Variants in CLYBL observed in about 807,000 individuals in gnomAD.
CLYBL encodes citramalyl-CoA lyase, mitochondrial.
Under a neutral mutation model 38.9 loss-of-function variants are expected in CLYBL, and 31 were observed. The observed-to-expected ratio is 0.80, with a 90% confidence interval of 0.60 to 1.08. The LOEUF (loss-of-function observed/expected upper bound fraction) is 1.08, where lower values mean the gene tolerates loss of function less well. Ranked by LOEUF, CLYBL falls within the 50% of genes least tolerant of loss-of-function variation. The pLI, the probability that CLYBL is intolerant of heterozygous loss-of-function variation, is 0.00. For missense variants in CLYBL, 434 were observed against 411.6 expected (o/e 1.05, Z -0.47); for synonymous variants, 171 against 158.6 (o/e 1.08, Z -0.59).
rs116129821 is a variant in CLYBL at position 99,882,838 on chromosome 13, C to A, written c.928-8480C>A. Among the ~76,000 whole-genome samples, 381 of 152,198 alleles carry A rather than the reference C, an allele frequency of 2.5e-3. 4 individuals carry two copies. The highest frequency in any genetic ancestry group is 8.7e-3 in the African/African-American group (363 of 41,524). ...AGAGTAGAGGTTATAGTTGCCAAGA[C>A]AATCTTCCTATTTCCTCCTCAAGGA... On this transcript the variant is annotated intron_variant, in intron 7 of 8. Coordinates refer to ENST00000339105, the MANE Select transcript of CLYBL (RefSeq NM_206808.5).
chr13:99,628,824 C>T (rs2046904313), intron 1 of CLYBL, among the ~76,000 whole-genome samples: 1 of 152,172 alleles, frequency 6.6e-6, no homozygotes, highest in Non-Finnish European at 1.5e-5. Context: ...CCAGTTATTT[C>T]CTCCTGGTTA....
chr13:99,620,794 AAGAG>A (rs386380428), intron 1 of CLYBL, among the ~76,000 whole-genome samples: 2 of 147,876 alleles, frequency 1.4e-5, no homozygotes, highest in African/African-American at 5.1e-5. Context: ...AAGAAAGAAA[AAGAG>A]AGAGAGAGAA....
At chr13:99,699,997 G>C (rs67497138) in intron 1 of CLYBL, among the ~76,000 whole-genome samples, 1 of 151,726 alleles carries the variant, frequency 6.6e-6, no homozygotes, top group East Asian at 1.9e-4. Flanking sequence ...ATCTAAAAAA[G>C]TAAAATAAAA....
chr13:99,871,338 T>G (rs1330765019), intron 7 of CLYBL, among the ~76,000 whole-genome samples: 2 of 152,188 alleles, frequency 1.3e-5, no homozygotes, highest in Admixed American at 6.5e-5. Context: ...GTCTGTTTAG[T>G]TTTTCTCTAC....
At chr13:99,857,122 C>G (rs2051477813) in intron 2 of CLYBL, among the ~76,000 whole-genome samples, 1 of 151,680 alleles carries the variant, frequency 6.6e-6, no homozygotes, top group Non-Finnish European at 1.5e-5. Context: ...CAAGGTCAGC[C>G]TGGCCAACAC....
intron 1 of CLYBL, among the ~76,000 whole-genome samples, chr13:99,628,967 G>C (rs1038302846): frequency 1.3e-5 from 2 of 152,256 alleles, no homozygotes; most frequent in African/African-American, 4.8e-5. Context: ...ACTATGGTAA[G>C]TGTCGCAGCT....
At chr13:99,829,415 T>C (rs1459111326) in intron 2 of CLYBL, among the ~76,000 whole-genome samples, 1 of 152,240 alleles carries the variant, frequency 6.6e-6, no homozygotes, top group Non-Finnish European at 1.5e-5. Flanking sequence ...GGGGCTTTTT[T>C]CTCACTGTGT....
At chr13:99,624,401 T>C (rs921508658) in intron 1 of CLYBL, among the ~76,000 whole-genome samples, 2 of 152,226 alleles carry the variant, frequency 1.3e-5, no homozygotes, top group African/African-American at 4.8e-5. Context: ...AAAGTTTTTA[T>C]GCATGAGTGT....
chr13:99,667,109 A>C (rs2047492640), intron 1 of CLYBL, among the ~76,000 whole-genome samples: 1 of 152,084 alleles, frequency 6.6e-6, no homozygotes. Flanking sequence ...GCAGAGATGC[A>C]AGTTGTGTTG....
chr13:99,766,134 T>C (rs1161608231), intron 1 of CLYBL, among the ~76,000 whole-genome samples: 2 of 152,204 alleles, frequency 1.3e-5, no homozygotes, highest in African/African-American at 4.8e-5. Flanking sequence ...ATTACAGGCA[T>C]GAGCCAACTC....
At chr13:99,886,706 G>C (rs944174305) in intron 7 of CLYBL, among the ~76,000 whole-genome samples, 2 of 152,264 alleles carry the variant, frequency 1.3e-5, no homozygotes, top group Admixed American at 6.5e-5. Context: ...TGTGTGAGCA[G>C]TGCAGTCTCG....
chr13:99,746,963 G>T (rs536349607), intron 1 of CLYBL, among the ~76,000 whole-genome samples: 1 of 152,164 alleles, frequency 6.6e-6, no homozygotes, highest in African/African-American at 2.4e-5. Flanking sequence ...GATGCTAATC[G>T]CATTGTGTGC....
intron 1 of CLYBL, among the ~76,000 whole-genome samples, chr13:99,730,429 T>C (rs890024083): frequency 2.6e-5 from 4 of 151,128 alleles, no homozygotes; most frequent in Admixed American, 2.6e-4. Context: ...GCAGAAAGCT[T>C]TGGGCGTCCT....
intron 1 of CLYBL, chr13:99,643,068 A>G (rs2047120282): frequency 6.5e-6 from 1 of 153,574 alleles, no homozygotes. Context: ...TAAGCTGCTT[A>G]GTGTCCTTAG....
chr13:99,615,278 G>C (rs1301487509), intron 1 of CLYBL, among the ~76,000 whole-genome samples: 2 of 152,216 alleles, frequency 1.3e-5, no homozygotes, highest in East Asian at 3.8e-4. Context: ...ATGTGGTGGT[G>C]GCCACTAGAA....
At chr13:99,636,913 C>T (rs984729888) in intron 1 of CLYBL, among the ~76,000 whole-genome samples, 3 of 152,054 alleles carry the variant, frequency 2.0e-5, no homozygotes, top group East Asian at 1.9e-4. Context: ...CTTACTCTCT[C>T]GCCCAGGTCG....
At chr13:99,714,873 C>T (rs888090403) in intron 1 of CLYBL, among the ~76,000 whole-genome samples, 3 of 151,816 alleles carry the variant, frequency 2.0e-5, no homozygotes, top group Admixed American at 2.0e-4. Context: ...CACTTGAGCC[C>T]AGGAGGCAGA....
At chr13:99,819,465 T>TATATATATATATA (rs1366110606) in intron 2 of CLYBL, among the ~76,000 whole-genome samples, 1 of 58,744 alleles carries the variant, frequency 1.7e-5, no homozygotes, top group Non-Finnish European at 3.2e-5. Context: ...TATATATATA[T>TATATATATATATA]ATAATATTTG....
chr13:99,686,425 A>G (rs530918655), intron 1 of CLYBL, among the ~76,000 whole-genome samples: 11 of 152,306 alleles, frequency 7.2e-5, no homozygotes, highest in African/African-American at 2.6e-4. Context: ...TATAGCAGAA[A>G]CATCTTTGGA....
Sources: gnomAD v4.1 joint callset for allele counts (sites outside exome capture counted in the v4.1 genomes callset) on GRCh38, gnomAD v4.1.1 for gene constraint, MANE v1.5 for transcripts, NCBI Gene and HGNC (gene_info 2026-07-23, HGNC 2026-07-21) for gene names.